CPEB3: variants seen among roughly 807,000 people sequenced by gnomAD.
CPEB3 encodes the protein cytoplasmic polyadenylation element-binding protein 3.
In CPEB3, 20 loss-of-function variants were observed where a neutral mutation model predicts 67.2. The ratio of observed to expected loss-of-function variants is 0.30; its 90% CI spans 0.21 to 0.43. The LOEUF (loss-of-function observed/expected upper bound fraction) is 0.43, where lower values mean the gene tolerates loss of function less well. Among genes scored for constraint, CPEB3 ranks in the 20% least tolerant of loss-of-function variants. CPEB3 has a pLI of 1.00. For missense variants in CPEB3, 746 were observed against 968.6 expected (o/e 0.77, Z 3.05); for synonymous variants, 376 against 393.1 (o/e 0.96, Z 0.51).
At chr10:92,186,607 G>T (rs111612672) in intron 3 of CPEB3, among the ~76,000 whole-genome samples, 1 of 151,758 alleles carries the variant, frequency 6.6e-6, no homozygotes, top group South Asian at 2.1e-4. Context: ...GCTAATTTTC[G>T]TATTTTTAGT....
At chr10:92,140,161 C>A (rs944628547) in intron 6 of CPEB3, among the ~76,000 whole-genome samples, 2 of 151,858 alleles carry the variant, frequency 1.3e-5, no homozygotes, top group African/African-American at 4.8e-5. Context: ...CAAAAAAGAG[C>A]CCACATCGCC....
At chr10:92,232,572 C>G (rs1439930982) in intron 2 of CPEB3, among the ~76,000 whole-genome samples, 1 of 151,428 alleles carries the variant, frequency 6.6e-6, no homozygotes, top group South Asian at 2.1e-4. Flanking sequence ...GCCTGGCCAA[C>G]ATAGTGAAAC....
chr10:92,242,794 T>G (rs553555062), intron 1 of CPEB3, among the ~76,000 whole-genome samples: 1 of 152,324 alleles, frequency 6.6e-6, no homozygotes, highest in Non-Finnish European at 1.5e-5. Flanking sequence ...TTTAAAAATT[T>G]TATACCAGGA....
intron 6 of CPEB3, among the ~76,000 whole-genome samples, chr10:92,122,434 G>A (rs1165882566): frequency 1.3e-5 from 2 of 152,172 alleles, no homozygotes; most frequent in Non-Finnish European, 2.9e-5. Context: ...CTGCAGCGGA[G>A]AGCACTCACT....
intron 1 of CPEB3, among the ~76,000 whole-genome samples, chr10:92,265,673 C>G (rs1853020238): frequency 1.3e-5 from 2 of 150,888 alleles, no homozygotes. Context: ...CGCTTGAACC[C>G]AGGAGGCAGA....
At chr10:92,148,340 C>G (rs1156424991) in intron 4 of CPEB3, among the ~76,000 whole-genome samples, 1 of 152,168 alleles carries the variant, frequency 6.6e-6, no homozygotes, top group Admixed American at 6.5e-5. Flanking sequence ...TTCCCTCTAC[C>G]TAAAACAAAC....
intron 9 of CPEB3, among the ~76,000 whole-genome samples, chr10:92,052,773 G>T (rs916228740): frequency 3.3e-5 from 5 of 152,196 alleles, no homozygotes; most frequent in Admixed American, 1.3e-4. Flanking sequence ...ACATCAAAGG[G>T]TGCTGGGGAG....
At chr10:92,073,782 G>A (rs1388197524) in intron 9 of CPEB3, among the ~76,000 whole-genome samples, 1 of 151,990 alleles carries the variant, frequency 6.6e-6, no homozygotes, top group Non-Finnish European at 1.5e-5. Context: ...CTCAGGAAGG[G>A]CGTCCAAAAA....
chr10:92,208,317 G>A lies in CPEB3; in HGVS notation c.1006-15681C>T, dbSNP rs553781058. Among the ~76,000 whole-genome samples the A allele has an allele frequency of 3.3e-5, 5 of 152,258 alleles. No homozygotes were observed. In the South Asian group the frequency reaches 1.0e-3, roughly 32 times the overall value. On this transcript the variant is annotated intron_variant, in intron 2 of 9. Transcript: ENST00000265997. ...GTCTTTAAAGTCAGACTCCTTTGTG[G>A]TAGAATGCCATTTTGAACTTCTGCA... is the stretch of plus-strand genomic sequence containing the variant.
chr10:92,161,561 CCG>C (rs1847482420), intron 4 of CPEB3, among the ~76,000 whole-genome samples: 1 of 152,116 alleles, frequency 6.6e-6, no homozygotes, highest in Admixed American at 6.5e-5. Context: ...GCATGAGCCA[CCG>C]CGCCCAGTGG....
intron 1 of CPEB3, among the ~76,000 whole-genome samples, chr10:92,289,732 A>AAAAAAAAAAAAAATATATATATAT: frequency 1.3e-5 from 1 of 75,764 alleles, no homozygotes; most frequent in Non-Finnish European, 2.6e-5. Context: ...AAAAAAAAAA[A>AAAAAAAAAAAAAATATATATATAT]ATATATATAT....
rs1206248896 is a variant in CPEB3, at chr10:92,239,278, A to G, written c.1005+68T>C. ...TTTAAATATAAGCGGGTGGATGATT[A>G]AAAGTCAGAGAAGTGGCAAAAGGAG... On this transcript the variant is annotated intron_variant, in intron 2 of 9. Coordinates refer to ENST00000265997, the MANE Select transcript of CPEB3 (RefSeq NM_014912.5). The surrounding 1 kb of genome is among the most constrained non-coding windows in gnomAD (Gnocchi z 6.0). 4 of 1,518,790 alleles carry G rather than the reference A, an allele frequency of 2.6e-6. No homozygotes were observed. The African/African-American group carries it at 5.5e-5, about 21-fold the overall frequency. 94.1% of individuals were successfully genotyped at this position (1,518,790 alleles called of 1,614,324 possible). A position where few individuals can be genotyped will look rare whatever the true frequency, so the allele number is the denominator to read the frequency against.
chr10:92,050,030 G>C lies in CPEB3; in HGVS notation c.*2182C>G, dbSNP rs1852232466. 1 of 151,506 alleles carries C rather than the reference G, an allele frequency of 6.6e-6. No individual in the cohort carries two copies. Among genetic ancestry groups the C allele is most frequent in the Non-Finnish European group, 1.5e-5 (1 of 67,830 alleles). The allele number at this position is 151,506 out of a possible 1,614,324, so 9.4% of individuals were successfully genotyped here. On this transcript the variant is annotated 3_prime_UTR_variant, in exon 10 of 10. Coordinates refer to ENST00000265997, the MANE Select transcript of CPEB3 (RefSeq NM_014912.5). Reference sequence around the variant, plus strand: ...ATTTCAAAATTGAGGTATTGCAAAAGATCATGTCAGTCAGAAAGCATGCCT... The same window carrying C: ...ATTTCAAAATTGAGGTATTGCAAAACATCATGTCAGTCAGAAAGCATGCCT...
chr10:92,134,034 A>C (rs1402764240), intron 6 of CPEB3, among the ~76,000 whole-genome samples: 1 of 152,200 alleles, frequency 6.6e-6, no homozygotes, highest in African/African-American at 2.4e-5. Flanking sequence ...AATAAGAGCT[A>C]TTTACGACAA....
At chr10:92,144,169 T>C (rs1348632008) in intron 5 of CPEB3, among the ~76,000 whole-genome samples, 1 of 152,252 alleles carries the variant, frequency 6.6e-6, no homozygotes, top group Non-Finnish European at 1.5e-5. Context: ...ACACTCACTT[T>C]TGGACTGATA....
intron 2 of CPEB3, among the ~76,000 whole-genome samples, chr10:92,229,952 A>T (rs1027988773): frequency 1.3e-5 from 2 of 152,180 alleles, no homozygotes; most frequent in Non-Finnish European, 2.9e-5. Flanking sequence ...AGGCTGAGGC[A>T]GGAGAATTGC....
chr10:92,052,111 G>T lies in CPEB3; in HGVS notation c.*101C>A, dbSNP rs894861384. On this transcript the variant is annotated 3_prime_UTR_variant, in exon 10 of 10. Coordinates refer to ENST00000265997, the MANE Select transcript of CPEB3 (RefSeq NM_014912.5). ...CAATTCTTCTTTAAAAATCGAGAACGAATGCACAGATTTCCAGAACACTGT... is the reference window on the plus strand; with the variant it reads ...CAATTCTTCTTTAAAAATCGAGAACTAATGCACAGATTTCCAGAACACTGT... The T allele has an allele frequency of 1.4e-6, 1 of 692,782 alleles. No individual in the cohort carries two copies. Among genetic ancestry groups the T allele is most frequent in the Non-Finnish European group, 2.5e-6 (1 of 403,140 alleles). 42.9% of individuals were successfully genotyped at this position (692,782 alleles called of 1,614,324 possible).
chr10:92,136,403 C>G (rs1846097710), intron 6 of CPEB3, among the ~76,000 whole-genome samples: 1 of 152,110 alleles, frequency 6.6e-6, no homozygotes, highest in East Asian at 1.9e-4. Flanking sequence ...GAAGAGACAA[C>G]CCACAGAATG....
intron 9 of CPEB3, among the ~76,000 whole-genome samples, chr10:92,055,824 G>A (rs959905897): frequency 6.6e-6 from 1 of 152,122 alleles, no homozygotes; most frequent in African/African-American, 2.4e-5. Context: ...AGGATCCTTT[G>A]AGCCCAGGAG....
Sources: gnomAD v4.1 joint callset for allele counts (sites outside exome capture counted in the v4.1 genomes callset) on GRCh38, gnomAD v4.1.1 for gene constraint, Gnocchi (gnomAD v3.1) non-coding constraint, MANE v1.5 for transcripts, NCBI Gene and HGNC (gene_info 2026-07-23, HGNC 2026-07-21) for gene names.